AGAP1: variants seen among roughly 807,000 people sequenced by gnomAD.
AGAP1 encodes ArfGAP with GTPase domain, ankyrin repeat and PH domain 1.
AGAP1 carries 29 observed loss-of-function variants against 105.3 expected under a neutral mutation model. The observed-to-expected ratio is 0.28, with a 90% CI of 0.21 to 0.38. The LOEUF is 0.38. Ranked by LOEUF, AGAP1 falls within the 10% of genes least tolerant of loss-of-function variation. The pLI is 1.00. For synonymous variants in AGAP1, 509 were observed against 485.9 expected, an observed-to-expected ratio of 1.05 and a Z score of -0.63; for missense variants, 998 against 1,165.1, an observed-to-expected ratio of 0.86 and a Z score of 2.09.
In AGAP1 at chr2:236,120,119, A is replaced by G. The variant is rs1553580680; in HGVS notation, c.2115-73A>G. On this transcript the variant is annotated intron_variant, in intron 16 of 17. Transcript: ENST00000304032. This position sits in a 1 kb window ranked among gnomAD's most constrained non-coding sequence, Gnocchi z 6.0. ...ACTTCCCTCTCGGCTTCTCCCGACCACACTGGGCAGGGGCTGGCAGCCTGT... is the reference window on the plus strand; with the variant it reads ...ACTTCCCTCTCGGCTTCTCCCGACCGCACTGGGCAGGGGCTGGCAGCCTGT... 3.9e-6 allele frequency: 6 copies of G among 1,548,160 alleles called. No homozygotes were observed. The East Asian group carries it at 1.1e-4, about 29-fold the overall frequency.
rs376805791 is a variant in AGAP1, at chr2:235,553,776, G to A, written c.163+58927G>A. On this transcript the variant is annotated intron_variant, in intron 1 of 17. Coordinates refer to ENST00000304032, the MANE Select transcript of AGAP1 (RefSeq NM_001037131.3). This position sits in a 1 kb window ranked among gnomAD's most constrained non-coding sequence, Gnocchi z 4.5. ...GTTCAGGGCACCTCTGAGCACATGT[G>A]ACATTCGTAAGTGGCACTCCTCATG... Among the ~76,000 whole-genome samples the A allele has an allele frequency of 6.6e-6, 1 of 152,144 alleles. No individual in the cohort carries two copies. Among genetic ancestry groups the A allele is most frequent in the East Asian group, 1.9e-4 (1 of 5,184 alleles).
chr2:235,547,306 C>T (rs984572759), intron 1 of AGAP1, among the ~76,000 whole-genome samples: 4 of 151,720 alleles, frequency 2.6e-5, no homozygotes, highest in Non-Finnish European at 2.9e-5. Context: ...TTACTCTTTC[C>T]TCCTATCACC....
rs1479896287 is a variant in AGAP1 at position 235,843,837 on chromosome 2, C to G, written c.1050+36506C>G. Among the ~76,000 whole-genome samples, 1 of 152,188 alleles carries G rather than the reference C, an allele frequency of 6.6e-6. No individual in the cohort carries two copies. Among genetic ancestry groups the G allele is most frequent in the African/African-American group, 2.4e-5 (1 of 41,446 alleles). On this transcript the variant is annotated intron_variant, in intron 9 of 17. Transcript: ENST00000304032. The surrounding 1 kb of genome is among the most constrained non-coding windows in gnomAD (Gnocchi z 5.9). ...GGAGTCACTGCCACATTTTCTTTTCCTTTTGTGTCCACACTTGGCACAGAA... is the reference window on the plus strand; with the variant it reads ...GGAGTCACTGCCACATTTTCTTTTCGTTTTGTGTCCACACTTGGCACAGAA...
rs1387287392 is a variant in AGAP1, at chr2:235,725,997, T to G, written c.310+8353T>G. Among the ~76,000 whole-genome samples the G allele has an allele frequency of 6.6e-6, 1 of 152,222 alleles. No individual in the cohort carries two copies. Among genetic ancestry groups the G allele is most frequent in the African/African-American group, 2.4e-5 (1 of 41,450 alleles). ...TAAGGAGATAGTCATGTTTTTGGCA[T>G]TGATGAAATTGGCAGGACAAAGTGT... On this transcript the variant is annotated intron_variant, in intron 3 of 17. Transcript: ENST00000304032. This position sits in a 1 kb window ranked among gnomAD's most constrained non-coding sequence, Gnocchi z 5.7.
In AGAP1 at chr2:235,782,714, A is replaced by G. The variant is rs74404426; in HGVS notation, c.674-15045A>G. On this transcript the variant is annotated intron_variant, in intron 6 of 17. Coordinates refer to ENST00000304032, the MANE Select transcript of AGAP1 (RefSeq NM_001037131.3). Reference sequence around the variant, plus strand: ...TGGGAGAACGCTGAAGCCCAGAAGGAAAGTCTACCTTCTTTGGAATAACTG... The same window carrying G: ...TGGGAGAACGCTGAAGCCCAGAAGGGAAGTCTACCTTCTTTGGAATAACTG... Among the ~76,000 whole-genome samples the G allele has an allele frequency of 8.3e-3, 1,267 of 152,312 alleles. 89 individuals carry two copies. The East Asian group carries it at 0.17, about 20-fold the overall frequency.
chr2:235,964,414 C>T lies in AGAP1; in HGVS notation c.1484-4048C>T, dbSNP rs1053390982. Among the ~76,000 whole-genome samples, 1 of 152,110 alleles carries T rather than the reference C, an allele frequency of 6.6e-6. No individual in the cohort carries two copies. Among genetic ancestry groups the T allele is most frequent in the African/African-American group, 2.4e-5 (1 of 41,414 alleles). On this transcript the variant is annotated intron_variant, in intron 12 of 17. Transcript: ENST00000304032. This position sits in a 1 kb window ranked among gnomAD's most constrained non-coding sequence, Gnocchi z 4.6. ...CACAGTGACCATTGTTTCCCATGGC[C>T]TGGCACCATACCTGGCAAAGTGGGC...
At position 235,614,394 on chromosome 2, in the gene AGAP1, G is replaced by T. The variant is rs1946240403; in HGVS notation, c.164-94785G>T. On this transcript the variant is annotated intron_variant, in intron 1 of 17. Coordinates refer to ENST00000304032, the MANE Select transcript of AGAP1 (RefSeq NM_001037131.3). This position sits in a 1 kb window ranked among gnomAD's most constrained non-coding sequence, Gnocchi z 4.7. ...CAGGTCTCAGATGGCATAGGAGTGT[G>T]TGTCATCCCAGAGGAGCAGCAGCAA... is the stretch of plus-strand genomic sequence containing the variant. 6.6e-6 allele frequency among the ~76,000 whole-genome samples: 1 copy of T among 152,128 alleles called. No homozygotes were observed.
Position 235,877,827 on chromosome 2 carries a change from C to G in AGAP1, c.1051-5518C>G, listed in dbSNP as rs1341097000. ...CCCTCCCCCTCTTGGGTACACCCAA[C>G]CACTGGTCTAAAGTGGGCCACACTT... is the stretch of plus-strand genomic sequence containing the variant. On this transcript the variant is annotated intron_variant, in intron 9 of 17. Coordinates refer to ENST00000304032, the MANE Select transcript of AGAP1 (RefSeq NM_001037131.3). This position sits in a 1 kb window ranked among gnomAD's most constrained non-coding sequence, Gnocchi z 4.3. Among the ~76,000 whole-genome samples the G allele has an allele frequency of 6.6e-6, 1 of 152,228 alleles. No individual in the cohort carries two copies. Among genetic ancestry groups the G allele is most frequent in the Non-Finnish European group, 1.5e-5 (1 of 68,036 alleles).
At position 235,894,601 on chromosome 2, in the gene AGAP1, A is replaced by T. The variant is rs981756982; in HGVS notation, c.1155+11152A>T. Among the ~76,000 whole-genome samples, 11 of 150,426 alleles carry T rather than the reference A, an allele frequency of 7.3e-5. No individual in the cohort carries two copies. In the East Asian group the frequency reaches 1.4e-3, roughly 19 times the overall value. On this transcript the variant is annotated intron_variant, in intron 10 of 17. Coordinates refer to ENST00000304032, the MANE Select transcript of AGAP1 (RefSeq NM_001037131.3). ...CCATACATACATCATACACACACAC[A>T]TACACACACACTTAAACATACACAT...
chr2:235,998,196 G>A (rs1030561847), intron 13 of AGAP1, among the ~76,000 whole-genome samples: 4 of 152,276 alleles, frequency 2.6e-5, no homozygotes, highest in East Asian at 3.9e-4. Flanking sequence ...TCTGGCCGAG[G>A]TACAATTAAC....
chr2:235,542,952 C>T (rs769050824), intron 1 of AGAP1, among the ~76,000 whole-genome samples: 7 of 152,196 alleles, frequency 4.6e-5, no homozygotes, highest in Non-Finnish European at 1.0e-4. Context: ...CTTCGTTTTC[C>T]TGACCTGGGG....
chr2:235,811,961 A>G (rs1958166529), intron 9 of AGAP1, among the ~76,000 whole-genome samples: 1 of 152,174 alleles, frequency 6.6e-6, no homozygotes, highest in Admixed American at 6.5e-5. Flanking sequence ...TCAGGAGGCA[A>G]CAGCCCTGTT....
At chr2:235,814,702 G>A (rs564670509) in intron 9 of AGAP1, among the ~76,000 whole-genome samples, 1 of 152,242 alleles carries the variant, frequency 6.6e-6, no homozygotes, top group South Asian at 2.1e-4. Context: ...GGAAGGACAG[G>A]GAAATGGAGG....
chr2:235,813,658 C>T (rs1398582622), intron 9 of AGAP1, among the ~76,000 whole-genome samples: 1 of 152,218 alleles, frequency 6.6e-6, no homozygotes, highest in African/African-American at 2.4e-5. Flanking sequence ...CCTGAAGCCC[C>T]AGTGGGCGTG....
chr2:235,653,748 A>G (rs1947686016), intron 1 of AGAP1, among the ~76,000 whole-genome samples: 1 of 152,198 alleles, frequency 6.6e-6, no homozygotes, highest in South Asian at 2.1e-4. Context: ...AAAATTAAAA[A>G]TGGCCTTATG....
intron 14 of AGAP1, among the ~76,000 whole-genome samples, chr2:236,039,709 A>G (rs931609741): frequency 4.6e-5 from 7 of 152,132 alleles, no homozygotes. Flanking sequence ...AGCAATGAAC[A>G]AGTTTCGTTA....
Position 235,866,277 on chromosome 2 carries a change from G to C in AGAP1, c.1051-17068G>C, listed in dbSNP as rs1249982316. 6.6e-6 allele frequency among the ~76,000 whole-genome samples: 1 copy of C among 152,136 alleles called. No homozygotes were observed. The highest frequency in any genetic ancestry group is 1.5e-5 in the Non-Finnish European group (1 of 68,040). ...GAGCCGGGTGCTAGCTACTGATGTG[G>C]GAATCTGGGAGCCCGAGCCGACTCA... On this transcript the variant is annotated intron_variant, in intron 9 of 17. Transcript: ENST00000304032. The surrounding 1 kb of genome is among the most constrained non-coding windows in gnomAD (Gnocchi z 6.1).
Position 235,736,172 on chromosome 2 carries a change from C to A in AGAP1, c.311-4791C>A, listed in dbSNP as rs2149635864. Among the ~76,000 whole-genome samples, 1 of 151,924 alleles carries A rather than the reference C, an allele frequency of 6.6e-6. No individual in the cohort carries two copies. Among genetic ancestry groups the A allele is most frequent in the East Asian group, 2.0e-4 (1 of 5,100 alleles). On this transcript the variant is annotated intron_variant, in intron 3 of 17. Transcript: ENST00000304032. This position sits in a 1 kb window ranked among gnomAD's most constrained non-coding sequence, Gnocchi z 5.5. ...TTAGGGTCAGGCAGCTGCGACCGAT[C>A]TGTCTGGTTCCTCACCCTGGGGGTG... is the stretch of plus-strand genomic sequence containing the variant.
Position 235,842,605 on chromosome 2 carries a change from G to A in AGAP1, c.1050+35274G>A, listed in dbSNP as rs375238245. On this transcript the variant is annotated intron_variant, in intron 9 of 17. Transcript: ENST00000304032. The surrounding 1 kb of genome is among the most constrained non-coding windows in gnomAD (Gnocchi z 5.3). The stretch of plus-strand genomic sequence containing the variant: ...AATTTAAACCTAATACTTTGAGAAG[G>A]GATCCTTTGGGACGTGCCAAAAAAG... 3.3e-5 allele frequency among the ~76,000 whole-genome samples: 5 copies of A among 152,144 alleles called. No homozygotes were observed. The highest frequency in any genetic ancestry group is 1.2e-4 in the African/African-American group (5 of 41,426).
Sources: gnomAD v4.1 joint callset for allele counts (sites outside exome capture counted in the v4.1 genomes callset) on GRCh38, gnomAD v4.1.1 for gene constraint, Gnocchi (gnomAD v3.1) non-coding constraint, MANE v1.5 for transcripts, NCBI Gene and HGNC (gene_info 2026-07-23, HGNC 2026-07-21) for gene names.